Variants in REST observed in about 807,000 individuals in gnomAD.
REST encodes the protein RE1-silencing transcription factor.
A neutral mutation model predicts 30.4 loss-of-function variants in REST; 1 was observed. The ratio of observed to expected loss-of-function variants is 0.03; its 90% CI spans 0.01 to 0.16. The LOEUF (loss-of-function observed/expected upper bound fraction) is 0.16, where lower values mean the gene tolerates loss of function less well. Ranked by LOEUF, REST falls within the 10% of genes least tolerant of loss-of-function variation. REST has a pLI of 1.00. For missense variants in REST, 1,259 were observed against 1,329.5 expected, an observed-to-expected ratio of 0.95 and a Z score of 0.82; for synonymous variants, 504 against 451.1, an observed-to-expected ratio of 1.12 and a Z score of -1.49.
chr4:56,932,336 T>A lies in REST; in HGVS notation c.*184T>A. On this transcript the variant is annotated 3_prime_UTR_variant, in exon 4 of 4. Transcript: ENST00000309042. The stretch of plus-strand genomic sequence containing the variant: ...TGATTGTTGTGTAAATTTTAGTAAA[T>A]CTAAGAGAGTGTACTAAACCAGCAG... 1 of 626,500 alleles carries A rather than the reference T, an allele frequency of 1.6e-6. No individual in the cohort carries two copies. Among genetic ancestry groups the A allele is most frequent in the Non-Finnish European group, 2.7e-6 (1 of 377,126 alleles). 38.8% of individuals were successfully genotyped at this position (626,500 alleles called of 1,614,324 possible). A position where few individuals can be genotyped will look rare whatever the true frequency, so the allele number is the denominator to read the frequency against.
At chr4:56,915,011 G>A (rs575937315) in intron 2 of REST, among the ~76,000 whole-genome samples, 65 of 135,308 alleles carry the variant, frequency 4.8e-4, no homozygotes, top group Non-Finnish European at 4.2e-4. Context: ...TGCAACCTCC[G>A]CCTCCCAGGT....
chr4:56,930,748 G>T lies in REST; in HGVS notation c.1890G>T (p.Pro630=). 4 of 1,599,462 alleles carry T rather than the reference G, an allele frequency of 2.5e-6. No homozygotes were observed. The highest frequency in any genetic ancestry group is 3.4e-6 in the Non-Finnish European group (4 of 1,175,596). ...AGAAGGGGCCCGTTCAGGTGGAGCC[G>T]CCACCTCCCATGGAGCATGCTCAGA... The part of the protein sequence containing the change: ...AVQKGPVQVE[P]PPPMEHAQME... The change falls in exon 4 of 4, where the codon CCG becomes CCT. Residue 630 remains proline, a synonymous_variant. Transcript: ENST00000309042.
chr4:56,927,239 CCTAT>C (rs755173207), intron 3 of REST, among the ~76,000 whole-genome samples: 1 of 152,180 alleles, frequency 6.6e-6, no homozygotes. Flanking sequence ...CCTTATGCTA[CCTAT>C]CTTTCTACAT....
chr4:56,931,169 G>A lies in REST; in HGVS notation c.2311G>A (p.Val771Met), dbSNP rs776981803. 3 of 1,613,786 alleles carry A rather than the reference G, an allele frequency of 1.9e-6. No homozygotes were observed. Among genetic ancestry groups the A allele is most frequent in the Non-Finnish European group, 2.5e-6 (3 of 1,179,730 alleles). Residue 771 changes from valine to methionine, a missense_variant, in exon 4 of 4, where the codon GTG becomes ATG. By Grantham distance (21) the Val-to-Met change is conservative. Transcript: ENST00000309042. Reference sequence around the variant, plus strand: ...GATAGAGCTGTCTCCTCCCATAGAGGTGGTCCAGAAGGAGCCTGTTCAGAT... The same window carrying A: ...GATAGAGCTGTCTCCTCCCATAGAGATGGTCCAGAAGGAGCCTGTTCAGAT... ...VKIELSPPIE[V>M]VQKEPVQMEL...
intron 3 of REST, among the ~76,000 whole-genome samples, chr4:56,920,698 G>A (rs1327236247): frequency 2.0e-5 from 3 of 152,004 alleles, no homozygotes; most frequent in African/African-American, 4.8e-5. Context: ...AGGAGGCAGA[G>A]GTTGTAAGCC....
rs769566447 is a variant in REST, at chr4:56,930,140, A to G, written c.1282A>G (p.Lys428Glu). 6.2e-7 allele frequency: 1 copy of G among 1,613,672 alleles called. No homozygotes were observed. Among genetic ancestry groups the G allele is most frequent in the Non-Finnish European group, 8.5e-7 (1 of 1,179,936 alleles). ...AATGGATGTCTCAAAAGTGAAACTA[A>G]AGAAAACCAAAAAACGAGAGGCTGA... The part of the protein sequence containing the change: ...KTMDVSKVKL[K>E]KTKKREADLP... Residue 428 changes from lysine (K) to glutamate (E), a missense_variant, in exon 4 of 4, where the codon AAG becomes GAG. Physicochemically the swap from Lys to Glu is moderately conservative, Grantham distance 56. This residue lies in a region of REST where 856 missense variants were observed against 772.8 expected (regional missense o/e 1.11). Coordinates refer to ENST00000309042, the MANE Select transcript of REST (RefSeq NM_005612.5).
chr4:56,911,161 G>C lies in REST; in HGVS notation c.523G>C (p.Val175Leu). The C allele has an allele frequency of 6.2e-7, 1 of 1,614,204 alleles. No individual in the cohort carries two copies. Among genetic ancestry groups the C allele is most frequent in the Non-Finnish European group, 8.5e-7 (1 of 1,180,046 alleles). The part of the protein sequence containing the change: ...QYEAESEEQF[V>L]HHIRVHSAKK... ...TGAAGCAGAATCTGAAGAACAGTTTGTGCATCACATCAGAGTTCACAGTGC... is the reference window on the plus strand; with the variant it reads ...TGAAGCAGAATCTGAAGAACAGTTTCTGCATCACATCAGAGTTCACAGTGC... The change falls in exon 2 of 4, where the codon GTG becomes CTG. Residue 175 changes from valine (V) to leucine (L), a missense_variant. This residue lies in a region of REST where 249 missense variants were observed against 251.5 expected (regional missense o/e 0.99). Transcript: ENST00000309042.
rs1171073081 is a variant in REST, at chr4:56,929,748, C to T, written c.983-93C>T. On this transcript the variant is annotated intron_variant, in intron 3 of 3. Transcript: ENST00000309042. Reference sequence around the variant, plus strand: ...TGCATGATACAGCATTTTAAATAGTCTTTGTTGTTACTTTACATATACAGT... The same window carrying T: ...TGCATGATACAGCATTTTAAATAGTTTTTGTTGTTACTTTACATATACAGT... 3.5e-6 allele frequency: 4 copies of T among 1,127,986 alleles called. No homozygotes were observed. In the Admixed American group the frequency reaches 1.0e-4, roughly 30 times the overall value. The allele number at this position is 1,127,986 out of a possible 1,614,324, so 69.9% of individuals were successfully genotyped here. A position where few individuals can be genotyped will look rare whatever the true frequency, so the allele number is the denominator to read the frequency against.
rs1385254403 is a variant in REST at position 56,931,777 on chromosome 4, G to A, written c.2919G>A (p.Met973Ile). 6.2e-7 allele frequency: 1 copy of A among 1,614,078 alleles called. No individual in the cohort carries two copies. Among genetic ancestry groups the A allele is most frequent in the African/African-American group, 1.3e-5 (1 of 74,928 alleles). Reference sequence around the variant, plus strand: ...CAGTTGAAGAACCAGTTTCACCAATGCTTCCCCCTTCAGCAGTAGAAGAAC... The same window carrying A: ...CAGTTGAAGAACCAGTTTCACCAATACTTCCCCCTTCAGCAGTAGAAGAAC... ...NSTVEEPVSP[M>I]LPPSAVEERE... Residue 973 changes from methionine (M) to isoleucine (I), a missense_variant, in exon 4 of 4, where the codon ATG (methionine) becomes ATA (isoleucine). Met to Ile is a conservative substitution (Grantham distance 10). Transcript: ENST00000309042.
intron 3 of REST, among the ~76,000 whole-genome samples, chr4:56,925,754 G>A (rs971303709): frequency 1.3e-5 from 2 of 152,174 alleles, no homozygotes; most frequent in African/African-American, 2.4e-5. Context: ...TTTAATATAA[G>A]CAAGACTTCA....
rs905172710 is a variant in REST, at chr4:56,932,876, C to CAT, written c.*733_*734dup. Reference sequence around the variant, plus strand: ...TTGTGTTGAACAGTAACACTTTATACATATATATATGCATGTTTATTTTGT... The same window carrying CAT: ...TTGTGTTGAACAGTAACACTTTATACATATATATATATGCATGTTTATTTTGT... On this transcript the variant is annotated 3_prime_UTR_variant, in exon 4 of 4. Coordinates refer to ENST00000309042, the MANE Select transcript of REST (RefSeq NM_005612.5). The CAT allele has an allele frequency of 5.3e-5, 8 of 151,834 alleles. No homozygotes were observed. Among genetic ancestry groups the CAT allele is most frequent in the Admixed American group, 3.9e-4 (6 of 15,218 alleles). The allele number at this position is 151,834 out of a possible 1,614,324, so 9.4% of individuals were successfully genotyped here.
At chr4:56,919,947 G>A (rs1448911533) in intron 3 of REST, 77 bp downstream of exon 3, 11 of 639,386 alleles carry the variant, frequency 1.7e-5, no homozygotes, top group African/African-American at 5.5e-5. Flanking sequence ...ACTTGTAACC[G>A]AGTCATTTAC....
Position 56,934,131 on chromosome 4 carries a change from C to T in REST, c.*1979C>T, listed in dbSNP as rs1420182486. ...GACATTGTAAATGTTGAATTCTAGG[C>T]TCCGACAATCATTGTCAACAGAAGA... On this transcript the variant is annotated 3_prime_UTR_variant, in exon 4 of 4. Coordinates refer to ENST00000309042, the MANE Select transcript of REST (RefSeq NM_005612.5). The T allele has an allele frequency of 1.3e-5, 2 of 152,168 alleles. No homozygotes were observed. Among genetic ancestry groups the T allele is most frequent in the Admixed American group, 1.3e-4 (2 of 15,278 alleles). The allele number at this position is 152,168 out of a possible 1,614,324, so 9.4% of individuals were successfully genotyped here.
rs189350075 is a variant in REST, at chr4:56,918,653, G to A, written c.899-1134G>A. Among the ~76,000 whole-genome samples the A allele has an allele frequency of 2.1e-3, 325 of 152,028 alleles. 2 individuals carry two copies. The highest frequency in any genetic ancestry group is 7.7e-3 in the African/African-American group (318 of 41,446). On this transcript the variant is annotated intron_variant, in intron 2 of 3. Transcript: ENST00000309042. ...AGCTCATTGCAGCCTCAAACTCTGG[G>A]CTCAAGTGATCCTCCCGCGTCAGCC...
intron 2 of REST, among the ~76,000 whole-genome samples, chr4:56,913,922 G>T (rs565368453): frequency 3.9e-5 from 6 of 152,090 alleles, no homozygotes; most frequent in African/African-American, 1.4e-4. Flanking sequence ...GGGATTACAG[G>T]CGTGAGCCAC....
intron 2 of REST, among the ~76,000 whole-genome samples, chr4:56,916,458 C>T (rs1720199202): frequency 6.6e-6 from 1 of 152,056 alleles, no homozygotes; most frequent in Non-Finnish European, 1.5e-5. Flanking sequence ...GAGTTTGAGA[C>T]CAGCCTGGTC....
chr4:56,920,757 A>G (rs1011530259), intron 3 of REST, among the ~76,000 whole-genome samples: 1 of 152,136 alleles, frequency 6.6e-6, no homozygotes, highest in Non-Finnish European at 1.5e-5. Context: ...AAAAGTCCCT[A>G]TTGTCAAAGT....
intron 3 of REST, among the ~76,000 whole-genome samples, chr4:56,925,134 C>T (rs1487154568): frequency 1.4e-5 from 2 of 146,252 alleles, no homozygotes; most frequent in Admixed American, 7.0e-5. Context: ...CATTGCACTC[C>T]AGCCTGGGCA....
Position 56,930,400 on chromosome 4 carries a change from T to A in REST, c.1542T>A (p.Ser514Arg). Reference protein sequence around the residue: ...VHTGSNSEKFSKTKKSKRKLE... With the variant: ...VHTGSNSEKFRKTKKSKRKLE... ...CAGGAAGCAATTCAGAAAAATTCAG[T>A]AAAACTAAGAAAAGCAAAAGGAAGC... The change falls in exon 4 of 4, where the codon AGT becomes AGA. Residue 514 changes from serine (S) to arginine (R), a missense_variant. This residue lies in a region of REST where 856 missense variants were observed against 772.8 expected (regional missense o/e 1.11). Transcript: ENST00000309042. 2 of 1,613,604 alleles carry A rather than the reference T, an allele frequency of 1.2e-6. 1 individual carries two copies. Among genetic ancestry groups the A allele is most frequent in the Middle Eastern group, 3.3e-4 (2 of 6,062 alleles).
Sources: gnomAD v4.1 joint callset for allele counts (sites outside exome capture counted in the v4.1 genomes callset) on GRCh38, gnomAD v4.1.1 for gene constraint, gnomAD v4.1.1 regional missense constraint, MANE v1.5 for transcripts, NCBI Gene and HGNC (gene_info 2026-07-23, HGNC 2026-07-21) for gene names.